Variants in CELF5 observed in about 807,000 individuals in gnomAD.
CELF5 encodes CUGBP Elav-like family member 5.
A neutral mutation model predicts 54.9 loss-of-function variants in CELF5; 6 were observed. The ratio of observed to expected loss-of-function variants is 0.11; its 90% CI spans 0.06 to 0.22. The LOEUF (loss-of-function observed/expected upper bound fraction) is 0.22. Among genes scored for constraint, CELF5 ranks in the 10% least tolerant of loss-of-function variants. The probability of loss-of-function intolerance (pLI) is 1.00; values close to 1 mark genes in which losing one functional copy is unlikely to be tolerated. For synonymous variants in CELF5, 271 were observed against 290.9 expected (o/e 0.93, Z 0.70); for missense variants, 401 against 678.6 (o/e 0.59, Z 4.54).
intron 2 of CELF5, among the ~76,000 whole-genome samples, chr19:3,252,865 G>A (rs12610898): frequency 0.06 from 9,073 of 152,036 alleles, 835 homozygotes; most frequent in East Asian, 0.43. Context: ...CACTGGAAGA[G>A]AATAACAGGG....
chr19:3,249,488 C>T, intron 1 of CELF5, among the ~76,000 whole-genome samples: 1 of 151,554 alleles, frequency 6.6e-6, no homozygotes, highest in South Asian at 2.1e-4. Context: ...AGAGGGCTGG[C>T]CCCGCCCCTC....
chr19:3,292,917 G>A (rs2080375211), intron 11 of CELF5, among the ~76,000 whole-genome samples: 1 of 152,072 alleles, frequency 6.6e-6, no homozygotes, highest in Non-Finnish European at 1.5e-5. Context: ...GCAAAAAAAA[G>A]AGAGAGACAA....
chr19:3,247,571 A>C (rs1057010357), intron 1 of CELF5, among the ~76,000 whole-genome samples: 1 of 150,082 alleles, frequency 6.7e-6, no homozygotes, highest in Non-Finnish European at 1.5e-5. Context: ...CTCTCTTTCT[A>C]TGTCTCGACC....
At chr19:3,285,871 G>A (rs534721463) in intron 9 of CELF5, 71 bp from the exon 10 acceptor site, 2 of 122,016 alleles carry the variant, frequency 1.6e-5, no homozygotes, top group South Asian at 1.2e-4. Flanking sequence ...CCCCCTCCCC[G>A]CCCAGCGGCC....
intron 2 of CELF5, among the ~76,000 whole-genome samples, chr19:3,257,516 C>A (rs1470678921): frequency 6.6e-6 from 1 of 151,854 alleles, no homozygotes; most frequent in Non-Finnish European, 1.5e-5. Context: ...ACTCTTGTTG[C>A]CCAGGCTGGA....
chr19:3,281,261 C>A lies in CELF5; in HGVS notation c.666C>A (p.Arg222=), dbSNP rs752555382. The A allele has an allele frequency of 6.2e-7, 1 of 1,611,532 alleles. No homozygotes were observed. ...CGGACAAGGAGCGGACGCTCCGGCG[C>A]ATGCAGCAGATGGTGGGCCAGCTGG... ...ADTDKERTLR[R]MQQMVGQLGI... is the part of the protein sequence containing the mutation. The change falls in exon 6 of 13, where the codon CGC becomes CGA. Residue 222 remains arginine, a synonymous_variant. Coordinates refer to ENST00000292672, the MANE Select transcript of CELF5 (RefSeq NM_021938.4). The surrounding 1 kb of genome is among the most constrained non-coding windows in gnomAD (Gnocchi z 6.5).
chr19:3,289,962 G>A (rs1198748251), intron 10 of CELF5, among the ~76,000 whole-genome samples: 1 of 152,062 alleles, frequency 6.6e-6, no homozygotes, highest in Non-Finnish European at 1.5e-5. Context: ...GGGAGCAGGG[G>A]ATCCCCTGGG....
At chr19:3,269,772 C>T (rs1183484495) in intron 2 of CELF5, among the ~76,000 whole-genome samples, 3 of 152,080 alleles carry the variant, frequency 2.0e-5, no homozygotes, top group African/African-American at 7.2e-5. Context: ...CCCCCTCTCC[C>T]TTTTTTGGAG....
chr19:3,226,558 C>G (rs1188490010), intron 1 of CELF5, among the ~76,000 whole-genome samples: 3 of 151,956 alleles, frequency 2.0e-5, no homozygotes, highest in African/African-American at 7.3e-5. Context: ...AAGTCAATAT[C>G]TGGAGTCCAG....
intron 2 of CELF5, among the ~76,000 whole-genome samples, chr19:3,270,382 G>A (rs1050068144): frequency 6.6e-6 from 1 of 152,082 alleles, no homozygotes; most frequent in Non-Finnish European, 1.5e-5. Flanking sequence ...CAGAGACCTC[G>A]GTGGGACAGA....
intron 2 of CELF5, among the ~76,000 whole-genome samples, chr19:3,251,735 C>T (rs1445532094): frequency 1.5e-5 from 2 of 137,414 alleles, no homozygotes; most frequent in African/African-American, 2.7e-5. Context: ...AGTGCAGTGT[C>T]ATGATCTCGG....
rs1406193105 is a variant in CELF5, at chr19:3,282,862, ACT to A, written c.1039+367_1039+368del. ...TGCAAAAGGCTTCACACAGGGTCTC[ACT>A]CTGTCGCCCAGGCTGCATTGCAGTG... On this transcript the variant is annotated intron_variant, in intron 8 of 12. Coordinates refer to ENST00000292672, the MANE Select transcript of CELF5 (RefSeq NM_021938.4). This position sits in a 1 kb window ranked among gnomAD's most constrained non-coding sequence, Gnocchi z 5.2. 3.2e-4 allele frequency among the ~76,000 whole-genome samples: 48 copies of A among 152,072 alleles called. No individual in the cohort carries two copies. Among genetic ancestry groups the A allele is most frequent in the African/African-American group, 1.1e-3 (47 of 41,468 alleles).
At chr19:3,293,726 G>C (rs549367702) in intron 12 of CELF5, 46 of 404,570 alleles carry the variant, frequency 1.1e-4, no homozygotes, top group Non-Finnish European at 1.8e-4. Context: ...CCAGGGCCCA[G>C]TGAGGTCGGT....
At chr19:3,264,787 G>C in intron 2 of CELF5, among the ~76,000 whole-genome samples, 1 of 151,250 alleles carries the variant, frequency 6.6e-6, no homozygotes, top group South Asian at 2.1e-4. Context: ...CGTGATCTTG[G>C]CTCACTGCAA....
intron 2 of CELF5, among the ~76,000 whole-genome samples, chr19:3,261,483 T>C (rs2079806080): frequency 6.6e-6 from 1 of 151,828 alleles, no homozygotes; most frequent in South Asian, 2.1e-4. Flanking sequence ...ATTTTGAACA[T>C]TTAGTATGGA....
At position 3,244,896 on chromosome 19, in the gene CELF5, ATG is replaced by A. The variant is rs143287911; in HGVS notation, c.260-6080_260-6079del. On this transcript the variant is annotated intron_variant, in intron 1 of 12. Transcript: ENST00000292672. ...GTGTGTATGTGTCTTGTCTGCATAT[ATG>A]TGTGTGTGGTGTGTGCATACATCTG... is the stretch of plus-strand genomic sequence containing the variant. Among the ~76,000 whole-genome samples the A allele has an allele frequency of 1.3e-4, 14 of 106,606 alleles. No homozygotes were observed. In the South Asian group the frequency reaches 1.6e-3, roughly 12 times the overall value. 69.9% of individuals were successfully genotyped at this position (106,606 alleles called of 152,430 possible). A position where few individuals can be genotyped will look rare whatever the true frequency, so the allele number is the denominator to read the frequency against.
At position 3,278,197 on chromosome 19, in the gene CELF5, C is replaced by T; in HGVS notation, c.603+87C>T. The T allele has an allele frequency of 1.1e-6, 1 of 947,546 alleles. No homozygotes were observed. Among genetic ancestry groups the T allele is most frequent in the Non-Finnish European group, 1.6e-6 (1 of 622,804 alleles). The allele number at this position is 947,546 out of a possible 1,614,324, so 58.7% of individuals were successfully genotyped here. ...ATGAAACAGGCCATATTCCTACCGT[C>T]GCTGTCATCCGGTAGCCCCTGGCTG... On this transcript the variant is annotated intron_variant, in intron 5 of 12. Transcript: ENST00000292672. This position sits in a 1 kb window ranked among gnomAD's most constrained non-coding sequence, Gnocchi z 4.5.
chr19:3,285,719 C>T (rs1390745229), intron 9 of CELF5, among the ~76,000 whole-genome samples: 1 of 137,886 alleles, frequency 7.3e-6, no homozygotes, highest in African/African-American at 2.7e-5. Flanking sequence ...TCCACCATGG[C>T]CCCGCCCCTC....
At chr19:3,289,674 T>G (rs1435085767) in intron 10 of CELF5, among the ~76,000 whole-genome samples, 1 of 62,976 alleles carries the variant, frequency 1.6e-5, no homozygotes, top group African/African-American at 7.0e-5. Flanking sequence ...AGAGCGAGAC[T>G]CCATCTCAAA....
Sources: allele counts gnomAD v4.1 joint callset (sites outside exome capture counted in the v4.1 genomes callset), GRCh38; gene constraint gnomAD v4.1.1; non-coding constraint Gnocchi (gnomAD v3.1); transcripts MANE v1.5; gene names NCBI Gene and HGNC (gene_info 2026-07-23, HGNC 2026-07-21).